The following KATNIP variants were observed in gnomAD, a reference collection of about 807,000 sequenced individuals.
KATNIP encodes katanin-interacting protein.
In KATNIP, 126 loss-of-function variants were observed where a neutral mutation model predicts 174.0. The observed-to-expected ratio is 0.72, with a 90% CI of 0.63 to 0.84. The LOEUF (loss-of-function observed/expected upper bound fraction) is 0.84. Ranked by LOEUF, KATNIP falls within the 40% of genes least tolerant of loss-of-function variation. The probability of loss-of-function intolerance (pLI) is 0.00; values close to 1 mark genes in which losing one functional copy is unlikely to be tolerated. For synonymous variants in KATNIP, 810 were observed against 835.7 expected (o/e 0.97, Z 0.53); for missense variants, 1,958 against 2,109.7 (o/e 0.93, Z 1.41).
In KATNIP at chr16:27,583,647, C is replaced by G. The variant is rs544656945; in HGVS notation, c.63+9691C>G. Among the ~76,000 whole-genome samples the G allele has an allele frequency of 2.8e-4, 43 of 152,342 alleles. No individual in the cohort carries two copies. The South Asian group carries it at 8.9e-3, about 32-fold the overall frequency. On this transcript the variant is annotated intron_variant, in intron 2 of 27. Coordinates refer to ENST00000261588, the MANE Select transcript of KATNIP (RefSeq NM_015202.5). The stretch of plus-strand genomic sequence containing the variant: ...TCCCCTCTCTGAGCCCGTATTTCCT[C>G]TGTGGTCCCCCAAGTCTGACAAGAG...
At chr16:27,745,288 C>A (rs1325541108) in intron 15 of KATNIP, among the ~76,000 whole-genome samples, 1 of 152,176 alleles carries the variant, frequency 6.6e-6, no homozygotes, top group East Asian at 1.9e-4. Context: ...TGGCAGGAAC[C>A]AAGGACGCTT....
At chr16:27,577,554 T>A (rs1296891500) in intron 2 of KATNIP, among the ~76,000 whole-genome samples, 5 of 152,024 alleles carry the variant, frequency 3.3e-5, no homozygotes, top group Non-Finnish European at 7.4e-5. Context: ...TAGCCGGACG[T>A]GGTGGCAGGT....
At chr16:27,638,100 A>G (rs1359139658) in intron 5 of KATNIP, among the ~76,000 whole-genome samples, 2 of 152,148 alleles carry the variant, frequency 1.3e-5, no homozygotes, top group African/African-American at 4.8e-5. Flanking sequence ...GACAGTCTGA[A>G]TCTCTCAGCT....
intron 6 of KATNIP, among the ~76,000 whole-genome samples, chr16:27,672,656 C>G (rs562823288): frequency 6.6e-6 from 1 of 152,284 alleles, no homozygotes; most frequent in African/African-American, 2.4e-5. Flanking sequence ...CGTGGATAAT[C>G]TAGAAGGAGC....
At chr16:27,602,134 C>T (rs1397357239) in intron 2 of KATNIP, among the ~76,000 whole-genome samples, 2 of 152,166 alleles carry the variant, frequency 1.3e-5, no homozygotes, top group Non-Finnish European at 2.9e-5. Context: ...TTTATGCTGC[C>T]CCAGGCCTGA....
At chr16:27,578,463 A>G (rs2090578248) in intron 2 of KATNIP, among the ~76,000 whole-genome samples, 1 of 152,160 alleles carries the variant, frequency 6.6e-6, no homozygotes, top group African/African-American at 2.4e-5. Context: ...AGGCAAAACC[A>G]AAGAAGAGAA....
intron 1 of KATNIP, among the ~76,000 whole-genome samples, chr16:27,563,825 G>A (rs79116052): frequency 0.011 from 1,448 of 135,438 alleles, 30 homozygotes; most frequent in African/African-American, 0.037. Flanking sequence ...GAGATGGGTA[G>A]AATTGCTTGA....
intron 19 of KATNIP, among the ~76,000 whole-genome samples, chr16:27,763,872 T>A (rs1160670904): frequency 6.6e-6 from 1 of 152,204 alleles, no homozygotes; most frequent in Admixed American, 6.5e-5. Flanking sequence ...TGAATTTTAC[T>A]GGCTGCATCT....
At position 27,773,216 on chromosome 16, in the gene KATNIP, T is replaced by A. The variant is rs767126279; in HGVS notation, c.4309+7T>A. ...ATCCCCTTGTCGGAAAACAGTATCC[T>A]TTGTAGGACAGGAGTGGGCTCCACC... is the stretch of plus-strand genomic sequence containing the variant. On this transcript the variant is annotated splice_region_variant and intron_variant, in intron 23 of 27. Coordinates refer to ENST00000261588, the MANE Select transcript of KATNIP (RefSeq NM_015202.5). The A allele has an allele frequency of 6.3e-7, 1 of 1,587,320 alleles. No homozygotes were observed. Among genetic ancestry groups the A allele is most frequent in the Non-Finnish European group, 8.6e-7 (1 of 1,159,892 alleles).
chr16:27,700,754 C>T (rs1022820955), intron 10 of KATNIP, among the ~76,000 whole-genome samples: 6 of 152,072 alleles, frequency 3.9e-5, no homozygotes, highest in Admixed American at 6.6e-5. Context: ...GAAGTGGGGA[C>T]GGGAGAAGCA....
intron 2 of KATNIP, among the ~76,000 whole-genome samples, chr16:27,584,888 G>A (rs1000796103): frequency 6.6e-6 from 1 of 152,224 alleles, no homozygotes; most frequent in African/African-American, 2.4e-5. Context: ...ATGAGAGGAA[G>A]TCTAGGCTCA....
intron 22 of KATNIP, among the ~76,000 whole-genome samples, chr16:27,772,398 AG>A (rs2082337770): frequency 6.6e-6 from 1 of 152,224 alleles, no homozygotes; most frequent in African/African-American, 2.4e-5. Flanking sequence ...CCTGGCTCTA[AG>A]GCCCGCTCTC....
intron 2 of KATNIP, among the ~76,000 whole-genome samples, chr16:27,583,859 C>T (rs1288104883): frequency 6.6e-6 from 1 of 152,204 alleles, no homozygotes; most frequent in Non-Finnish European, 1.5e-5. Context: ...CTTAGTCCCT[C>T]TTGACTCTGC....
Position 27,756,012 on chromosome 16 carries a change from G to C in KATNIP, c.3631+1761G>C, listed in dbSNP as rs544145827. On this transcript the variant is annotated intron_variant, in intron 18 of 27. Transcript: ENST00000261588. ...GAGCCTCAGTGGTGAGCTGCCAGCC[G>C]TCAGCACTTCCCGCCACCAGAGGAC... 2.1e-4 allele frequency among the ~76,000 whole-genome samples: 32 copies of C among 152,326 alleles called. No homozygotes were observed. In the South Asian group the frequency reaches 6.6e-3, roughly 32 times the overall value.
chr16:27,681,554 G>A, intron 8 of KATNIP, 24 bp downstream of exon 8: 1 of 1,613,830 alleles, frequency 6.2e-7, no homozygotes, highest in Non-Finnish European at 8.5e-7. Context: ...GGGCCCCTGA[G>A]CAGGGGAGCA....
At chr16:27,656,298 G>A (rs1356337159) in intron 6 of KATNIP, among the ~76,000 whole-genome samples, 7 of 151,612 alleles carry the variant, frequency 4.6e-5, no homozygotes. Flanking sequence ...CATGCCTGTA[G>A]TCCCAGCTAC....
chr16:27,665,173 T>C (rs945284327), intron 6 of KATNIP, among the ~76,000 whole-genome samples: 2 of 150,740 alleles, frequency 1.3e-5, no homozygotes, highest in African/African-American at 4.9e-5. Flanking sequence ...GTCACCCAGG[T>C]TGGTATGCAG....
intron 5 of KATNIP, among the ~76,000 whole-genome samples, chr16:27,644,965 T>C (rs1462616619): frequency 6.6e-6 from 1 of 152,196 alleles, no homozygotes; most frequent in African/African-American, 2.4e-5. Context: ...GATTTGTGCA[T>C]GGACAGGTTG....
chr16:27,684,181 G>A (rs908081753), intron 8 of KATNIP, among the ~76,000 whole-genome samples: 1 of 152,184 alleles, frequency 6.6e-6, no homozygotes, highest in African/African-American at 2.4e-5. Context: ...CATCCACACA[G>A]CCCCGTGCAA....
Sources: gnomAD v4.1 joint callset for allele counts (sites outside exome capture counted in the v4.1 genomes callset) on GRCh38, gnomAD v4.1.1 for gene constraint, MANE v1.5 for transcripts, NCBI Gene and HGNC (gene_info 2026-07-23, HGNC 2026-07-21) for gene names.